The following AAMDC variants were observed in gnomAD, a reference collection of about 807,000 sequenced individuals.
AAMDC encodes mth938 domain-containing protein.
Under a neutral mutation model 15.5 loss-of-function variants are expected in AAMDC, and 16 were observed. That is an observed-to-expected ratio of 1.03 (90% CI 0.70 to 1.57). The LOEUF is 1.57. Among genes scored for constraint, AAMDC ranks in the 40% most tolerant of loss-of-function variants. AAMDC has a pLI of 0.00. For missense variants in AAMDC, 141 were observed against 144.9 expected, an observed-to-expected ratio of 0.97 and a Z score of 0.14; for synonymous variants, 51 against 51.6, an observed-to-expected ratio of 0.99 and a Z score of 0.05.
chr11:77,848,619 C>T (rs1342128866), intron 2 of AAMDC, among the ~76,000 whole-genome samples: 1 of 152,162 alleles, frequency 6.6e-6, no homozygotes, highest in Admixed American at 6.5e-5. Flanking sequence ...TTTGACCTCC[C>T]AAAGTGCTGG....
At chr11:77,867,041 A>AG (rs1951149055) in intron 2 of AAMDC, among the ~76,000 whole-genome samples, 1 of 152,024 alleles carries the variant, frequency 6.6e-6, no homozygotes, top group Non-Finnish European at 1.5e-5. Flanking sequence ...AAGTTTCACC[A>AG]CCTTAGCCAG....
At chr11:77,855,311 A>T (rs1783547) in intron 2 of AAMDC, 59,750 of 151,796 alleles carry the variant, frequency 0.39, 12,245 homozygotes, top group African/African-American at 0.49. Context: ...CTCCTGAAAA[A>T]GTTTTGTTTT....
In AAMDC at chr11:77,854,044, G is replaced by A. The variant is rs1950510224; in HGVS notation, c.132+11416G>A. On this transcript the variant is annotated intron_variant, in intron 2 of 3. Coordinates refer to ENST00000393427, the MANE Select transcript of AAMDC (RefSeq NM_024684.4). ...CTCGCTCCGTTGCCCAGGCTGGAGTGCAGTGGTGCCATCTTGGCTCACTGC... is the reference window on the plus strand; with the variant it reads ...CTCGCTCCGTTGCCCAGGCTGGAGTACAGTGGTGCCATCTTGGCTCACTGC... 2.7e-5 allele frequency among the ~76,000 whole-genome samples: 4 copies of A among 146,012 alleles called. No homozygotes were observed. In the Admixed American group the frequency reaches 2.7e-4, roughly 10 times the overall value.
chr11:77,874,971 G>A (rs568153287), downstream of AAMDC, among the ~76,000 whole-genome samples: 3 of 152,068 alleles, frequency 2.0e-5, no homozygotes, highest in Non-Finnish European at 2.9e-5. Flanking sequence ...GAACCAGGGC[G>A]GCAGAGCCTG....
At chr11:77,883,007 C>A (rs983842235) in intron 5 of AAMDC, among the ~76,000 whole-genome samples, 3 of 152,020 alleles carry the variant, frequency 2.0e-5, no homozygotes, top group African/African-American at 7.3e-5. Flanking sequence ...AGGAGGCAGA[C>A]AGAGGTTGCA....
chr11:77,852,924 T>C (rs910773561), intron 2 of AAMDC, among the ~76,000 whole-genome samples: 10 of 152,190 alleles, frequency 6.6e-5, no homozygotes, highest in African/African-American at 2.4e-4. Context: ...GTAATATTGT[T>C]TATTCACTTT....
intron 2 of AAMDC, among the ~76,000 whole-genome samples, chr11:77,863,960 CTT>C (rs900863551): frequency 2.6e-5 from 4 of 151,588 alleles, no homozygotes; most frequent in Non-Finnish European, 5.9e-5. Flanking sequence ...GAGTTTCACT[CTT>C]TTCGCCCAGG....
chr11:77,847,383 T>A (rs1267134588), intron 2 of AAMDC, among the ~76,000 whole-genome samples: 2 of 152,222 alleles, frequency 1.3e-5, no homozygotes, highest in African/African-American at 4.8e-5. Flanking sequence ...TTGTAAACAG[T>A]TATGCCTACA....
downstream of AAMDC, among the ~76,000 whole-genome samples, chr11:77,873,405 T>C (rs1298288809): frequency 6.6e-6 from 1 of 152,250 alleles, no homozygotes; most frequent in East Asian, 1.9e-4. Flanking sequence ...AGCCAACTAG[T>C]TTCATTTTAT....
At position 77,823,614 on chromosome 11, in the gene AAMDC, CCTG is replaced by C. The variant is rs1481180272; in HGVS notation, c.-19+2374_-19+2376del. Among the ~76,000 whole-genome samples, 383 of 92,734 alleles carry C rather than the reference CCTG, an allele frequency of 4.1e-3. 5 individuals carry two copies. The highest frequency in any genetic ancestry group is 0.018 in the African/African-American group (365 of 20,134). 60.8% of individuals were successfully genotyped at this position (92,734 alleles called of 152,430 possible). ...TCCAGCCTGGGCGACAGAACTACAC[CCTG>C]TCTCAAAAAAAAAAAAAAAAAAAAA... On this transcript the variant is annotated intron_variant, in intron 1 of 3. Transcript: ENST00000393427.
At chr11:77,832,506 A>G (rs1949480055) in intron 1 of AAMDC, among the ~76,000 whole-genome samples, 1 of 152,016 alleles carries the variant, frequency 6.6e-6, no homozygotes, top group African/African-American at 2.4e-5. Flanking sequence ...TTGTATTTTT[A>G]GCAGAGGCAG....
At chr11:77,876,622 C>T (rs182047799), downstream of AAMDC, among the ~76,000 whole-genome samples, 3 of 152,158 alleles carry the variant, frequency 2.0e-5, no homozygotes, top group Non-Finnish European at 2.9e-5. Flanking sequence ...CCCCCTAGTA[C>T]AGCCCGTTCA....
chr11:77,863,707 G>C (rs1363719809), intron 2 of AAMDC, among the ~76,000 whole-genome samples: 2 of 152,002 alleles, frequency 1.3e-5, no homozygotes, highest in Non-Finnish European at 2.9e-5. Context: ...ATGAGACGAA[G>C]TCTCACTATG....
chr11:77,847,795 G>A (rs1276721278), intron 2 of AAMDC, among the ~76,000 whole-genome samples: 4 of 152,130 alleles, frequency 2.6e-5, no homozygotes, highest in Admixed American at 2.6e-4. Flanking sequence ...ACTAGTAGGA[G>A]ATACATATAT....
chr11:77,903,282 G>A (rs998005561), downstream of AAMDC, among the ~76,000 whole-genome samples: 2 of 152,268 alleles, frequency 1.3e-5, no homozygotes, highest in African/African-American at 4.8e-5. Flanking sequence ...TAGAGCTACA[G>A]GAAGGCCTCT....
At chr11:77,829,629 G>A (rs1424949357) in intron 1 of AAMDC, 2 of 152,178 alleles carry the variant, frequency 1.3e-5, no homozygotes, top group East Asian at 1.9e-4. Flanking sequence ...GACTACATTT[G>A]TGAGACCTGA....
chr11:77,860,417 C>G (rs1185605080), intron 2 of AAMDC, among the ~76,000 whole-genome samples: 1 of 152,182 alleles, frequency 6.6e-6, no homozygotes, highest in African/African-American at 2.4e-5. Flanking sequence ...TCACTGAGGG[C>G]CCTGGTGCCT....
chr11:77,869,631 A>G (rs1284429872), intron 2 of AAMDC, 91 bp from the exon 3 acceptor site: 2 of 1,239,378 alleles, frequency 1.6e-6, no homozygotes, highest in Admixed American at 3.4e-5. Flanking sequence ...ACCTCAGTAG[A>G]CATTTCTTGA....
At chr11:77,879,353 A>T (rs1252307562) in intron 5 of AAMDC, among the ~76,000 whole-genome samples, 1 of 152,206 alleles carries the variant, frequency 6.6e-6, no homozygotes, top group Non-Finnish European at 1.5e-5. Flanking sequence ...AAAGCTGCTG[A>T]GGCAACTGGA....
Sources: gnomAD v4.1 joint callset for allele counts (sites outside exome capture counted in the v4.1 genomes callset) on GRCh38, gnomAD v4.1.1 for gene constraint, MANE v1.5 for transcripts, NCBI Gene and HGNC (gene_info 2026-07-23, HGNC 2026-07-21) for gene names.